The following C20orf203 variants were observed in gnomAD, a reference collection of about 807,000 sequenced individuals.
The protein encoded by C20orf203 is uncharacterized protein C20orf203.
A neutral mutation model predicts 15.9 loss-of-function variants in C20orf203; 16 were observed. The ratio of observed to expected loss-of-function variants is 1.01; its 90% CI spans 0.68 to 1.53. The LOEUF (loss-of-function observed/expected upper bound fraction) is 1.53. Ranked by LOEUF, C20orf203 falls within the 40% of genes most tolerant of loss-of-function variation. The pLI, the probability that C20orf203 is intolerant of heterozygous loss-of-function variation, is 0.00. For synonymous variants in C20orf203, 98 were observed against 97.2 expected (o/e 1.01, Z -0.05); for missense variants, 263 against 247.5 (o/e 1.06, Z -0.42).
At chr20:32,635,019 G>T (rs146429946) in intron 5 of C20orf203, among the ~76,000 whole-genome samples, 1,920 of 152,098 alleles carry the variant, frequency 0.013, 19 homozygotes, top group Middle Eastern at 0.017. Context: ...GGCCCATGTG[G>T]CAAAACTCTG....
At chr20:32,666,797 T>TTTTATATATATATATATATATA (rs367964394) in intron 1 of C20orf203, among the ~76,000 whole-genome samples, 915 of 65,456 alleles carry the variant, frequency 0.014, 153 homozygotes, top group Non-Finnish European at 0.026. Context: ...TAATTTTAAT[T>TTTTATATATATATATATATATA]TATATATATA....
At chr20:32,666,370 G>A (rs1376218958) in intron 1 of C20orf203, among the ~76,000 whole-genome samples, 18 of 151,864 alleles carry the variant, frequency 1.2e-4, no homozygotes, top group African/African-American at 4.4e-4. Flanking sequence ...AGGAGGCTGA[G>A]GTGGGAGGAT....
chr20:32,639,885 T>TA (rs1247330123), intron 5 of C20orf203, among the ~76,000 whole-genome samples: 1 of 152,204 alleles, frequency 6.6e-6, no homozygotes, highest in Non-Finnish European at 1.5e-5. Context: ...GGCACACACG[T>TA]AATCATAACA....
chr20:32,649,210 T>A (rs1982531798), intron 4 of C20orf203, 45 bp downstream of exon 4: 1 of 152,030 alleles, frequency 6.6e-6, no homozygotes, highest in African/African-American at 2.4e-5. Context: ...ACAAAAAATT[T>A]AAAATTAGCC....
At chr20:32,652,026 AG>A (rs113220037) in intron 1 of C20orf203, 45 bp from the exon 2 acceptor site, 5 of 152,316 alleles carry the variant, frequency 3.3e-5, no homozygotes, top group African/African-American at 1.2e-4. Context: ...TAGAATGCAA[AG>A]CAAATGTGGC....
intron 4 of C20orf203, among the ~76,000 whole-genome samples, chr20:32,647,962 G>A (rs761701312): frequency 6.6e-6 from 1 of 152,130 alleles, no homozygotes; most frequent in Non-Finnish European, 1.5e-5. Context: ...GGCACCTACA[G>A]CACCCTAGGC....
At chr20:32,651,600 A>C (rs1409199483) in intron 2 of C20orf203, 133 bp downstream of exon 2, 1 of 152,766 alleles carries the variant, frequency 6.5e-6, no homozygotes, top group Non-Finnish European at 1.5e-5. Flanking sequence ...AGGGTCTCTG[A>C]GAAGACTGGA....
At chr20:32,667,233 C>T (rs6087966) in intron 1 of C20orf203, among the ~76,000 whole-genome samples, 37 of 152,062 alleles carry the variant, frequency 2.4e-4, no homozygotes, top group African/African-American at 8.4e-4. Context: ...CCAAGAGCTT[C>T]GAGGTCGTGG....
At chr20:32,637,359 G>A (rs991386853) in intron 5 of C20orf203, among the ~76,000 whole-genome samples, 21 of 152,190 alleles carry the variant, frequency 1.4e-4, no homozygotes, top group African/African-American at 5.1e-4. Context: ...GTTGCAGGGA[G>A]CCAAGATCAC....
intron 1 of C20orf203, among the ~76,000 whole-genome samples, chr20:32,664,465 C>T (rs1328016945): frequency 6.6e-6 from 1 of 152,232 alleles, no homozygotes; most frequent in Non-Finnish European, 1.5e-5. Flanking sequence ...AGCCCTGCCA[C>T]CCCACCTTGG....
At chr20:32,653,056 G>C (rs1982676278) in intron 1 of C20orf203, among the ~76,000 whole-genome samples, 1 of 152,134 alleles carries the variant, frequency 6.6e-6, no homozygotes, top group African/African-American at 2.4e-5. Context: ...GCCTCCCCAG[G>C]GCACCCTGCA....
rs777684329 is a variant in C20orf203 at position 32,662,952 on chromosome 20, G to GT, written c.-264+10679dup. 1.8e-3 allele frequency among the ~76,000 whole-genome samples: 231 copies of GT among 131,902 alleles called. 2 individuals carry two copies. Among genetic ancestry groups the GT allele is most frequent in the Middle Eastern group, 4.0e-3 (1 of 250 alleles). 86.5% of individuals were successfully genotyped at this position (131,902 alleles called of 152,430 possible). A position where few individuals can be genotyped will look rare whatever the true frequency, so the allele number is the denominator to read the frequency against. ...ATATAGATAGATAGATATAAATATA[G>GT]TTTTTTTTTTTTTTGAGACAGAGTC... On this transcript the variant is annotated intron_variant, in intron 1 of 5. Coordinates refer to ENST00000608990, the MANE Select transcript of C20orf203 (RefSeq NM_182584.4).
intron 1 of C20orf203, among the ~76,000 whole-genome samples, chr20:32,655,400 AG>A (rs991606991): frequency 2.0e-5 from 3 of 152,086 alleles, no homozygotes; most frequent in African/African-American, 7.2e-5. Context: ...CCCACAGGAT[AG>A]GAGAAAATAA....
chr20:32,646,412 C>T (rs1290792596), intron 4 of C20orf203, among the ~76,000 whole-genome samples: 1 of 152,126 alleles, frequency 6.6e-6, no homozygotes, highest in African/African-American at 2.4e-5. Flanking sequence ...CACCATGTTG[C>T]CCAGGCTGGT....
intron 1 of C20orf203, among the ~76,000 whole-genome samples, chr20:32,668,027 C>T (rs6058796): frequency 0.13 from 20,223 of 152,076 alleles, 1,613 homozygotes; most frequent in East Asian, 0.29. Flanking sequence ...GGGGCTAGCC[C>T]GCCTGGAGTG....
chr20:32,633,113 A>G lies in C20orf203; in HGVS notation c.*2457T>C, dbSNP rs1039124989. 3.3e-5 allele frequency: 5 copies of G among 152,168 alleles called. No homozygotes were observed. Among genetic ancestry groups the G allele is most frequent in the Non-Finnish European group, 7.3e-5 (5 of 68,036 alleles). The allele number at this position is 152,168 out of a possible 1,614,324, so 9.4% of individuals were successfully genotyped here. On this transcript the variant is annotated 3_prime_UTR_variant, in exon 6 of 6. Coordinates refer to ENST00000608990, the MANE Select transcript of C20orf203 (RefSeq NM_182584.4). ...TTGGTCCTGCTCTTGACACCTAGGG[A>G]TTATTAAAATTCAAGGTGAGATTTG...
At chr20:32,635,925 G>C (rs980794044) in intron 5 of C20orf203, among the ~76,000 whole-genome samples, 1 of 152,150 alleles carries the variant, frequency 6.6e-6, no homozygotes, top group African/African-American at 2.4e-5. Flanking sequence ...GGAGCCACCC[G>C]GAATGACGTG....
At chr20:32,645,346 G>A (rs568576141) in intron 4 of C20orf203, among the ~76,000 whole-genome samples, 16 of 152,316 alleles carry the variant, frequency 1.1e-4, no homozygotes, top group South Asian at 6.2e-4. Flanking sequence ...CATCCCGCCC[G>A]GCTCACTGAC....
intron 4 of C20orf203, among the ~76,000 whole-genome samples, chr20:32,643,466 G>C (rs6141769): frequency 0.19 from 28,442 of 152,100 alleles, 3,457 homozygotes; most frequent in East Asian, 0.52. Flanking sequence ...GATTCATCCA[G>C]CTGGGCTGTG....
Sources: gnomAD v4.1 joint callset for allele counts (sites outside exome capture counted in the v4.1 genomes callset) on GRCh38, gnomAD v4.1.1 for gene constraint, MANE v1.5 for transcripts, NCBI Gene and HGNC (gene_info 2026-07-23, HGNC 2026-07-21) for gene names.